MTSS2: variants seen among roughly 807,000 people sequenced by gnomAD.
MTSS2 encodes protein MTSS 2.
A neutral mutation model predicts 67.1 loss-of-function variants in MTSS2; 27 were observed. The observed-to-expected ratio is 0.40, with a 90% confidence interval of 0.30 to 0.55. The LOEUF is 0.55. MTSS2 is among the 20% of genes least tolerant of loss of function. The pLI is 0.43. For missense variants in MTSS2, 1,171 were observed against 1,067.8 expected, an observed-to-expected ratio of 1.10 and a Z score of -1.35; for synonymous variants, 624 against 468.6, an observed-to-expected ratio of 1.33 and a Z score of -4.28.
rs1354084371 is a variant in MTSS2, at chr16:70,661,388, G to C, written c.*2289C>G. On this transcript the variant is annotated 3_prime_UTR_variant, in exon 15 of 15. Transcript: ENST00000338779. ...CAGATGGGACGGAGGGTGGGGGAGG[G>C]GGGGAGGGTGAGTAGGAACCAGGAG... The C allele has an allele frequency of 4.3e-5, 16 of 371,226 alleles. No homozygotes were observed. The highest frequency in any genetic ancestry group is 1.1e-4 in the African/African-American group (5 of 45,228). The allele number at this position is 371,226 out of a possible 1,614,324, so 23.0% of individuals were successfully genotyped here. A position where few individuals can be genotyped will look rare whatever the true frequency, so the allele number is the denominator to read the frequency against.
At chr16:70,684,724 G>A (rs2142946610) in intron 1 of MTSS2, among the ~76,000 whole-genome samples, 1 of 152,316 alleles carries the variant, frequency 6.6e-6, no homozygotes, top group South Asian at 2.1e-4. Context: ...CCTAGGCTAA[G>A]GAAAGGGGGC....
intron 11 of MTSS2, among the ~76,000 whole-genome samples, chr16:70,673,425 G>A (rs2053007422): frequency 6.6e-6 from 1 of 152,160 alleles, no homozygotes; most frequent in Non-Finnish European, 1.5e-5. Context: ...AGTGTGGATG[G>A]AAGACAACTG....
At chr16:70,665,947 C>T (rs985758366) in intron 11 of MTSS2, 47 of 176,316 alleles carry the variant, frequency 2.7e-4, no homozygotes, top group Non-Finnish European at 3.1e-4. Context: ...CCGAGTGCCA[C>T]GCTGAGCACT....
Position 70,664,387 on chromosome 16 carries a change from C to T in MTSS2, c.1534G>A (p.Asp512Asn). Residue 512 changes from aspartate (D) to asparagine (N), a missense_variant, in exon 15 of 15, where the codon GAC becomes AAC. Physicochemically the swap from Asp to Asn is conservative, Grantham distance 23. Transcript: ENST00000338779. ...TTGCGCGGGATGGTGGATGACTTGT[C>T]AAACTCGGGCGGGCCCTCGCTGTCC... The part of the protein sequence containing the change: ...DADSEGPPEF[D>N]KSSTIPRNSN... The T allele has an allele frequency of 6.4e-7, 1 of 1,570,146 alleles. No homozygotes were observed. The highest frequency in any genetic ancestry group is 8.6e-7 in the Non-Finnish European group (1 of 1,162,572).
chr16:70,667,278 C>CAAAAAA lies in MTSS2; in HGVS notation c.1054-1744_1054-1739dup, dbSNP rs34779308. Reference sequence around the variant, plus strand: ...TGCGTGACAGAGCAAGACTCTGTCTCAAAAAAAAAAAAAAAAAAAAAATCA... The same window carrying CAAAAAA: ...TGCGTGACAGAGCAAGACTCTGTCTCAAAAAAAAAAAAAAAAAAAAAAAAAAAATCA... On this transcript the variant is annotated intron_variant, in intron 11 of 14. Transcript: ENST00000338779. Among the ~76,000 whole-genome samples, 182 of 69,764 alleles carry CAAAAAA rather than the reference C, an allele frequency of 2.6e-3. 7 individuals are homozygous for CAAAAAA. Among genetic ancestry groups the CAAAAAA allele is most frequent in the African/African-American group, 9.7e-3 (164 of 16,956 alleles). The allele number at this position is 69,764 out of a possible 152,430, so 45.8% of individuals were successfully genotyped here.
At position 70,663,496 on chromosome 16, in the gene MTSS2, T is replaced by G; in HGVS notation, c.*181A>C. The G allele has an allele frequency of 8.1e-7, 1 of 1,230,840 alleles. No individual in the cohort carries two copies. Among genetic ancestry groups the G allele is most frequent in the Non-Finnish European group, 1.1e-6 (1 of 921,534 alleles). The allele number at this position is 1,230,840 out of a possible 1,614,324, so 76.2% of individuals were successfully genotyped here. ...CAGGCTCCGTCCTGGCCAGGCTTGC[T>G]AAGAAGTCACTTCCTGTTTAAATGC... On this transcript the variant is annotated 3_prime_UTR_variant, in exon 15 of 15. Transcript: ENST00000338779.
chr16:70,677,719 A>T, intron 9 of MTSS2, 73 bp downstream of exon 9: 1 of 1,197,512 alleles, frequency 8.4e-7, no homozygotes, highest in Non-Finnish European at 1.2e-6. Flanking sequence ...TTTCCCCTTT[A>T]CTGTTCCCAA....
rs2052593515 is a variant in MTSS2 at position 70,664,003 on chromosome 16, G to C, written c.1918C>G (p.Leu640Val). 1 of 1,599,164 alleles carries C rather than the reference G, an allele frequency of 6.3e-7. No individual in the cohort carries two copies. Among genetic ancestry groups the C allele is most frequent in the Non-Finnish European group, 8.5e-7 (1 of 1,173,966 alleles). ...GGGCTGCCCCAGGCTGTGTTGGGCA[G>C]GCTGAGCCTCTTTGGGGAGGCCTTG... is the stretch of plus-strand genomic sequence containing the variant. ...LAKASPKRLS[L>V]PNTAWGSPSP... Residue 640 changes from leucine to valine, a missense_variant, in exon 15 of 15, where the codon CTG becomes GTG. Around this residue, in one of 2 missense-constraint regions of MTSS2, gnomAD observed 924 missense variants for 756.0 expected, o/e 1.22. Coordinates refer to ENST00000338779, the MANE Select transcript of MTSS2 (RefSeq NM_138383.3).
intron 11 of MTSS2, among the ~76,000 whole-genome samples, chr16:70,670,537 C>T (rs2052894278): frequency 1.3e-5 from 2 of 152,298 alleles, no homozygotes. Context: ...TACATATTCA[C>T]ACAATAGAAT....
chr16:70,664,109 G>A lies in MTSS2; in HGVS notation c.1812C>T (p.Tyr604=), dbSNP rs749872568. Residue 604 remains tyrosine (Y), a synonymous_variant, in exon 15 of 15, where the codon TAC becomes TAT. Coordinates refer to ENST00000338779, the MANE Select transcript of MTSS2 (RefSeq NM_138383.3). ...KTPTVPDSPG[Y]MGPTRAGSEE... is the part of the protein sequence containing the mutation. ...CACTGCCCGCCCGTGTGGGCCCCAT[G>A]TAGCCGGGGGAGTCAGGCACCGTGG... 2 of 1,611,810 alleles carry A rather than the reference G, an allele frequency of 1.2e-6. No individual in the cohort carries two copies. The highest frequency in any genetic ancestry group is 1.7e-5 in the Admixed American group (1 of 59,986).
chr16:70,666,297 G>A (rs2052712043), intron 11 of MTSS2, among the ~76,000 whole-genome samples: 1 of 152,122 alleles, frequency 6.6e-6, no homozygotes, highest in Non-Finnish European at 1.5e-5. Context: ...AGGGGGTGGG[G>A]GAAGGCTGTT....
At chr16:70,678,455 C>A in intron 7 of MTSS2, 46 bp from the exon 8 acceptor site, 1 of 1,575,388 alleles carries the variant, frequency 6.3e-7, no homozygotes. Context: ...GCCAGCCTGG[C>A]TTGCCACACC....
In MTSS2 at chr16:70,685,861, C is replaced by G. The variant is rs1171864406; in HGVS notation, c.-70G>C. The G allele has an allele frequency of 1.1e-6, 1 of 919,344 alleles. No homozygotes were observed. The highest frequency in any genetic ancestry group is 1.3e-6 in the Non-Finnish European group (1 of 757,104). 56.9% of individuals were successfully genotyped at this position (919,344 alleles called of 1,614,324 possible). ...GCGGGGAGCAGCGCAAGGGAGGGGG[C>G]CAGGCCGCGCGGGCGCTCGCTCCGA... On this transcript the variant is annotated 5_prime_UTR_variant, in exon 1 of 15. Coordinates refer to ENST00000338779, the MANE Select transcript of MTSS2 (RefSeq NM_138383.3).
At chr16:70,670,913 T>G (rs1017773622) in intron 11 of MTSS2, among the ~76,000 whole-genome samples, 1 of 138,186 alleles carries the variant, frequency 7.2e-6, no homozygotes, top group Admixed American at 8.4e-5. Context: ...GAGACTGCAC[T>G]GAGCAAGGAT....
At chr16:70,674,995 C>T (rs1346765068) in intron 10 of MTSS2, among the ~76,000 whole-genome samples, 1 of 152,118 alleles carries the variant, frequency 6.6e-6, no homozygotes, top group Non-Finnish European at 1.5e-5. Flanking sequence ...TGCCTGTAAT[C>T]TCAGCTACTT....
rs1448601347 is a variant in MTSS2, at chr16:70,685,817, G to A, written c.-26C>T. The A allele has an allele frequency of 7.9e-7, 1 of 1,261,484 alleles. No homozygotes were observed. Among genetic ancestry groups the A allele is most frequent in the Non-Finnish European group, 1.0e-6 (1 of 985,892 alleles). The allele number at this position is 1,261,484 out of a possible 1,614,324, so 78.1% of individuals were successfully genotyped here. On this transcript the variant is annotated 5_prime_UTR_variant, in exon 1 of 15. Coordinates refer to ENST00000338779, the MANE Select transcript of MTSS2 (RefSeq NM_138383.3). ...GCTCTGGCTGGGCCGGGCCGCGGCG[G>A]CGGCTAGGCGCACGGAGCGCGGGGA... is the stretch of plus-strand genomic sequence containing the variant.
chr16:70,682,727 CATG>C (rs1288495243), intron 1 of MTSS2, among the ~76,000 whole-genome samples: 1 of 150,924 alleles, frequency 6.6e-6, no homozygotes, highest in Non-Finnish European at 1.5e-5. Context: ...TCCGCCTCTT[CATG>C]GATAGGTCAA....
chr16:70,679,254 G>C, intron 7 of MTSS2, 61 bp downstream of exon 7: 1 of 1,600,276 alleles, frequency 6.2e-7, no homozygotes. Context: ...CTGAGCTGGG[G>C]GAGACAGACA....
rs754571603 is a variant in MTSS2 at position 70,663,903 on chromosome 16, C to T, written c.2018G>A (p.Ser673Asn). The T allele has an allele frequency of 9.0e-6, 14 of 1,548,872 alleles. No individual in the cohort carries two copies. Among genetic ancestry groups the T allele is most frequent in the Non-Finnish European group, 1.1e-5 (13 of 1,148,960 alleles). The change falls in exon 15 of 15, where the codon AGC becomes AAC. Residue 673 changes from serine to asparagine, a missense_variant. Physicochemically the swap from Ser to Asn is conservative, Grantham distance 46. Around this residue, in one of 2 missense-constraint regions of MTSS2, gnomAD observed 924 missense variants for 756.0 expected, o/e 1.22. Transcript: ENST00000338779. ...EQQQLAANRH[S>N]LVEKLGELVA... is the part of the protein sequence containing the mutation. ...CAGCTCCCCCAGCTTCTCCACCAGG[C>T]TGTGCCGGTTGGCCGCCAGCTGCTG...
Sources: gnomAD v4.1 joint callset for allele counts (sites outside exome capture counted in the v4.1 genomes callset) on GRCh38, gnomAD v4.1.1 for gene constraint, gnomAD v4.1.1 regional missense constraint, MANE v1.5 for transcripts, NCBI Gene and HGNC (gene_info 2026-07-23, HGNC 2026-07-21) for gene names.